The following MSANTD2 variants were observed in gnomAD, a reference collection of about 807,000 sequenced individuals.
MSANTD2 encodes Myb/SANT DNA binding domain containing 2, also known as myb/SANT-like DNA-binding domain-containing protein 2.
In MSANTD2, 19 loss-of-function variants were observed where a neutral mutation model predicts 52.6. The ratio of observed to expected loss-of-function variants is 0.36; its 90% CI spans 0.25 to 0.53. MSANTD2 has a LOEUF of 0.53. Ranked by LOEUF, MSANTD2 falls within the 20% of genes least tolerant of loss-of-function variation. MSANTD2 has a pLI of 0.91. For synonymous variants in MSANTD2, 291 were observed against 289.7 expected, an observed-to-expected ratio of 1.00 and a Z score of -0.04; for missense variants, 558 against 716.3, an observed-to-expected ratio of 0.78 and a Z score of 2.52.
At chr11:124,797,561 T>C (rs1374116646) in intron 1 of MSANTD2, among the ~76,000 whole-genome samples, 1 of 152,144 alleles carries the variant, frequency 6.6e-6, no homozygotes, top group Non-Finnish European at 1.5e-5. Context: ...AGTACAGCAG[T>C]GAGTAAGAGA....
intron 1 of MSANTD2, among the ~76,000 whole-genome samples, chr11:124,782,371 G>A (rs1461731576): frequency 6.6e-6 from 1 of 152,030 alleles, no homozygotes; most frequent in African/African-American, 2.4e-5. Context: ...AAGATCCCTT[G>A]GGCTTAGCAG....
chr11:124,767,080 G>C lies in MSANTD2; in HGVS notation c.*96C>G. On this transcript the variant is annotated 3_prime_UTR_variant, in exon 4 of 4. Transcript: ENST00000374979. The surrounding 1 kb of genome is among the most constrained non-coding windows in gnomAD (Gnocchi z 6.5). ...ATTGAAGAAAGGGTTTCCATGAAGA[G>C]TCTGACGGCGGCATCTGGATGAGGG... 4 of 1,240,862 alleles carry C rather than the reference G, an allele frequency of 3.2e-6. No homozygotes were observed. Among genetic ancestry groups the C allele is most frequent in the Non-Finnish European group, 4.5e-6 (4 of 888,276 alleles). The allele number at this position is 1,240,862 out of a possible 1,614,324, so 76.9% of individuals were successfully genotyped here.
intron 1 of MSANTD2, among the ~76,000 whole-genome samples, chr11:124,781,218 G>C (rs1034710803): frequency 6.7e-6 from 1 of 150,308 alleles, no homozygotes; most frequent in South Asian, 2.1e-4. Flanking sequence ...AGCATACAAC[G>C]ATATTACTTT....
intron 1 of MSANTD2, among the ~76,000 whole-genome samples, chr11:124,783,131 G>T (rs1055137760): frequency 6.6e-6 from 1 of 152,056 alleles, no homozygotes. Context: ...GATTTTAATC[G>T]GGTCAAACAG....
intron 3 of MSANTD2, among the ~76,000 whole-genome samples, chr11:124,768,288 C>T (rs775320516): frequency 6.6e-6 from 1 of 152,188 alleles, no homozygotes; most frequent in African/African-American, 2.4e-5. Flanking sequence ...AAACACACCC[C>T]TAGCAAGTTT....
At chr11:124,797,881 C>A (rs1428428068) in intron 1 of MSANTD2, among the ~76,000 whole-genome samples, 1 of 152,094 alleles carries the variant, frequency 6.6e-6, no homozygotes, top group Non-Finnish European at 1.5e-5. Context: ...CTTCTCATAA[C>A]TGGACAATGA....
chr11:124,799,646 C>A (rs1286468302), intron 1 of MSANTD2, among the ~76,000 whole-genome samples: 3 of 152,186 alleles, frequency 2.0e-5, no homozygotes, highest in African/African-American at 7.2e-5. Context: ...GAAAGAGGGG[C>A]GGCGGCAGGC....
At chr11:124,788,986 T>C (rs536981539) in intron 1 of MSANTD2, among the ~76,000 whole-genome samples, 1 of 152,334 alleles carries the variant, frequency 6.6e-6, no homozygotes, top group Admixed American at 6.5e-5. Context: ...GTAAGCTCTT[T>C]GAAGGCAGGG....
intron 2 of MSANTD2, chr11:124,773,454 T>C (rs1944616506): frequency 6.1e-6 from 1 of 163,210 alleles, no homozygotes; most frequent in Admixed American, 6.3e-5. Flanking sequence ...ATTGCTTTTT[T>C]CCCAAAGGTT....
At position 124,767,250 on chromosome 11, in the gene MSANTD2, C is replaced by A; in HGVS notation, c.1606G>T (p.Asp536Tyr). 6.2e-7 allele frequency: 1 copy of A among 1,614,104 alleles called. No homozygotes were observed. Among genetic ancestry groups the A allele is most frequent in the Non-Finnish European group, 8.5e-7 (1 of 1,180,004 alleles). Residue 536 changes from aspartate (D) to tyrosine (Y), a missense_variant, in exon 4 of 4, where the codon GAT becomes TAT. Around this residue, in one of 2 missense-constraint regions of MSANTD2, gnomAD observed 408 missense variants for 573.6 expected, o/e 0.71. Transcript: ENST00000374979. This position sits in a 1 kb window ranked among gnomAD's most constrained non-coding sequence, Gnocchi z 6.5. ...IYIKFVEVER[D>Y]FLSAGSLVEC... is the part of the protein sequence containing the mutation. ...ACTAAAGAGCCTGCGGAAAGAAAAT[C>A]CCTCTCTACTTCTACAAATTTGATG...
chr11:124,795,951 G>C (rs976105954), intron 1 of MSANTD2, among the ~76,000 whole-genome samples: 12 of 152,182 alleles, frequency 7.9e-5, no homozygotes, highest in Non-Finnish European at 1.8e-4. Context: ...AATCTATGTA[G>C]TAAGGCAGTG....
At chr11:124,794,112 C>A (rs1945419114) in intron 1 of MSANTD2, among the ~76,000 whole-genome samples, 1 of 152,152 alleles carries the variant, frequency 6.6e-6, no homozygotes, top group Non-Finnish European at 1.5e-5. Flanking sequence ...TCATACTGAA[C>A]TGAGGTAGAT....
Position 124,783,733 on chromosome 11 carries a change from C to T in MSANTD2, c.511-8759G>A, listed in dbSNP as rs1016313670. On this transcript the variant is annotated intron_variant, in intron 1 of 3. Transcript: ENST00000374979. ...AAGTTCTAAGTTTTCTAGGTTCCTT[C>T]ATGCTAGCAGCTGAGGGTCGTGCCC... The T allele has an allele frequency of 3.0e-6, 3 of 985,130 alleles. No individual in the cohort carries two copies. In the African/African-American group the frequency reaches 5.2e-5, roughly 17 times the overall value. The allele number at this position is 985,130 out of a possible 1,614,324, so 61.0% of individuals were successfully genotyped here.
Position 124,771,929 on chromosome 11 carries a change from G to A in MSANTD2, c.827+1065C>T, listed in dbSNP as rs550051185. On this transcript the variant is annotated intron_variant, in intron 3 of 3. Coordinates refer to ENST00000374979, the MANE Select transcript of MSANTD2 (RefSeq NM_001308027.2). ...TTAACAGGTAAAAAAAATGAATGGC[G>A]TTCCTTACTTTCCCCATAAATTTTC... 2.8e-4 allele frequency among the ~76,000 whole-genome samples: 42 copies of A among 152,196 alleles called. 1 individual carries two copies. Among genetic ancestry groups the A allele is most frequent in the Admixed American group, 2.4e-3 (37 of 15,278 alleles).
intron 1 of MSANTD2, among the ~76,000 whole-genome samples, chr11:124,787,472 C>T (rs552012497): frequency 1.6e-4 from 25 of 152,176 alleles, no homozygotes; most frequent in Non-Finnish European, 3.5e-4. Flanking sequence ...CCTCCACCTC[C>T]TGGGTTCAAG....
Position 124,800,278 on chromosome 11 carries a change from T to C in MSANTD2, c.103A>G (p.Asn35Asp), listed in dbSNP as rs779416571. ...GTGGAAGGGTCGGACAGCGATGGAT[T>C]TCCGTCGCTCAGGCCACCAGGAGAA... ...PASPGGLSDG[N>D]PSLSDPSTPR... is the part of the protein sequence containing the mutation. The change falls in exon 1 of 4, where the codon AAT becomes GAT. Residue 35 changes from asparagine to aspartate, a missense_variant. This residue lies in a region of MSANTD2 where 150 missense variants were observed against 142.7 expected (regional missense o/e 1.05). Coordinates refer to ENST00000374979, the MANE Select transcript of MSANTD2 (RefSeq NM_001308027.2). This position sits in a 1 kb window ranked among gnomAD's most constrained non-coding sequence, Gnocchi z 4.3. The C allele has an allele frequency of 7.0e-6, 11 of 1,568,848 alleles. No individual in the cohort carries two copies. Among genetic ancestry groups the C allele is most frequent in the Admixed American group, 1.8e-5 (1 of 54,408 alleles).
At chr11:124,788,714 T>C (rs1025106483) in intron 1 of MSANTD2, among the ~76,000 whole-genome samples, 2 of 152,192 alleles carry the variant, frequency 1.3e-5, no homozygotes, top group African/African-American at 4.8e-5. Flanking sequence ...GAACTGATGG[T>C]TGATGAGTAA....
intron 3 of MSANTD2, among the ~76,000 whole-genome samples, chr11:124,771,533 G>A (rs571985085): frequency 6.6e-6 from 1 of 152,364 alleles, no homozygotes; most frequent in African/African-American, 2.4e-5. Context: ...ACTTTGGGAG[G>A]CCTAGACAGG....
At position 124,799,965 on chromosome 11, in the gene MSANTD2, T is replaced by A; in HGVS notation, c.416A>T (p.Lys139Met). ...LEGAGTVFGSKAPGPAMYERV... is the reference protein window; with the variant it reads ...LEGAGTVFGSMAPGPAMYERV... Reference sequence around the variant, plus strand: ...CTCGTACATGGCTGGCCCGGGGGCCTTGCTGCCGAACACCGTGCCGGCTCC... The same window carrying A: ...CTCGTACATGGCTGGCCCGGGGGCCATGCTGCCGAACACCGTGCCGGCTCC... The change falls in exon 1 of 4, where the codon AAG (lysine) becomes ATG (methionine). Residue 139 changes from lysine (K) to methionine (M), a missense_variant. Physicochemically the swap from Lys to Met is moderately conservative, Grantham distance 95. Around this residue, in one of 2 missense-constraint regions of MSANTD2, gnomAD observed 408 missense variants for 573.6 expected, o/e 0.71. Transcript: ENST00000374979. 1 of 1,585,348 alleles carries A rather than the reference T, an allele frequency of 6.3e-7. No individual in the cohort carries two copies. Among genetic ancestry groups the A allele is most frequent in the South Asian group, 1.1e-5 (1 of 89,244 alleles).
Sources: gnomAD v4.1 joint callset for allele counts (sites outside exome capture counted in the v4.1 genomes callset) on GRCh38, gnomAD v4.1.1 for gene constraint, gnomAD v4.1.1 regional missense constraint, Gnocchi (gnomAD v3.1) non-coding constraint, MANE v1.5 for transcripts, NCBI Gene and HGNC (gene_info 2026-07-23, HGNC 2026-07-21) for gene names.